The following SVOPL variants were observed in gnomAD, a reference collection of about 807,000 sequenced individuals.
The protein encoded by SVOPL is putative transporter SVOPL.
A neutral mutation model predicts 61.0 loss-of-function variants in SVOPL; 60 were observed. The ratio of observed to expected loss-of-function variants is 0.98; its 90% CI spans 0.80 to 1.22. The LOEUF (loss-of-function observed/expected upper bound fraction) is 1.22. SVOPL is among the 50% of genes most tolerant of loss of function. The probability of loss-of-function intolerance (pLI) is 0.00; values close to 1 mark genes in which losing one functional copy is unlikely to be tolerated. For synonymous variants in SVOPL, 279 were observed against 250.0 expected (o/e 1.12, Z -1.09); for missense variants, 662 against 643.9 (o/e 1.03, Z -0.30).
intron 7 of SVOPL, among the ~76,000 whole-genome samples, chr7:138,653,879 G>A (rs891087360): frequency 6.6e-6 from 1 of 151,196 alleles, no homozygotes; most frequent in African/African-American, 2.4e-5. Flanking sequence ...GTTACAGTGA[G>A]CTGAGATCAT....
chr7:138,700,633 C>T (rs1031404349), intron 1 of SVOPL, among the ~76,000 whole-genome samples: 2 of 151,918 alleles, frequency 1.3e-5, no homozygotes, highest in African/African-American at 4.8e-5. Flanking sequence ...GCCACCGCAC[C>T]CGGCTGGTTT....
intron 5 of SVOPL, chr7:138,661,816 G>C (rs188610631): frequency 8.2e-6 from 8 of 973,366 alleles, no homozygotes; most frequent in Non-Finnish European, 9.8e-6. Context: ...TATGACTTCC[G>C]AGCTGCAATC....
chr7:138,622,222 G>GTATC lies in SVOPL; in HGVS notation c.1264-1091_1264-1088dup, dbSNP rs1398798608. On this transcript the variant is annotated intron_variant, in intron 13 of 15. Transcript: ENST00000674285. The stretch of plus-strand genomic sequence containing the variant: ...TCTATGTATCTATCTATCTATCTAT[G>GTATC]TATCTATCTATGTATCTATCTATCT... 2.8e-3 allele frequency among the ~76,000 whole-genome samples: 186 copies of GTATC among 67,200 alleles called. 3 individuals carry two copies. Among genetic ancestry groups the GTATC allele is most frequent in the African/African-American group, 7.6e-3 (127 of 16,688 alleles). 44.1% of individuals were successfully genotyped at this position (67,200 alleles called of 152,430 possible).
chr7:138,597,665 T>TGTGTGTGTGTGA (rs1376935458), intron 14 of SVOPL, among the ~76,000 whole-genome samples: 2 of 152,064 alleles, frequency 1.3e-5, no homozygotes, highest in Non-Finnish European at 2.9e-5. Flanking sequence ...TGTGTGTGTG[T>TGTGTGTGTGTGA]GTGTTTTACT....
chr7:138,659,034 A>G (rs1004273094), intron 6 of SVOPL, among the ~76,000 whole-genome samples: 1 of 152,046 alleles, frequency 6.6e-6, no homozygotes, highest in African/African-American at 2.4e-5. Context: ...ATTAGCATCA[A>G]CGCAGACCTT....
At chr7:138,605,182 ACATTT>A (rs1024047857) in intron 14 of SVOPL, among the ~76,000 whole-genome samples, 9 of 148,510 alleles carry the variant, frequency 6.1e-5, no homozygotes, top group African/African-American at 2.2e-4. Flanking sequence ...ATGTTTCCTG[ACATTT>A]ATTTAAAAAA....
chr7:138,603,715 T>C (rs540060650), intron 14 of SVOPL, among the ~76,000 whole-genome samples: 89 of 152,276 alleles, frequency 5.8e-4, no homozygotes, highest in African/African-American at 2.1e-3. Context: ...ATCTTGCACA[T>C]AGACCTTTGT....
intron 6 of SVOPL, among the ~76,000 whole-genome samples, chr7:138,657,378 G>C (rs2117061880): frequency 6.6e-6 from 1 of 152,088 alleles, no homozygotes; most frequent in Admixed American, 6.5e-5. Flanking sequence ...CTGGCCTCAA[G>C]CAACTGTTGC....
intron 14 of SVOPL, among the ~76,000 whole-genome samples, chr7:138,602,837 A>G (rs1020672316): frequency 6.6e-6 from 1 of 151,292 alleles, no homozygotes; most frequent in African/African-American, 2.4e-5. Flanking sequence ...AAGGTAAGAA[A>G]CCTTTTTATG....
chr7:138,609,023 A>C (rs1416631534), intron 14 of SVOPL, among the ~76,000 whole-genome samples: 2 of 152,244 alleles, frequency 1.3e-5, no homozygotes, highest in Non-Finnish European at 2.9e-5. Context: ...TAAAGACTGA[A>C]TTGAAAAATG....
intron 9 of SVOPL, among the ~76,000 whole-genome samples, chr7:138,642,845 A>G (rs1406031977): frequency 2.7e-4 from 4 of 14,796 alleles, no homozygotes; most frequent in East Asian, 4.5e-3. Flanking sequence ...AAAAAAAAAA[A>G]AAAAAGAAGA....
At chr7:138,612,441 A>AAAAAT (rs1799089313) in intron 14 of SVOPL, among the ~76,000 whole-genome samples, 1 of 145,484 alleles carries the variant, frequency 6.9e-6, no homozygotes, top group African/African-American at 2.6e-5. Flanking sequence ...AAAAATAAAA[A>AAAAAT]AAAAATAAAA....
At chr7:138,663,490 T>C (rs867829853) in intron 4 of SVOPL, 2 of 1,066,156 alleles carry the variant, frequency 1.9e-6, no homozygotes, top group Middle Eastern at 4.4e-4. Flanking sequence ...CGCTGCCTTA[T>C]ACAGTACACA....
At position 138,663,142 on chromosome 7, in the gene SVOPL, C is replaced by G. The variant is rs768917743; in HGVS notation, c.277G>C (p.Val93Leu). The change falls in exon 5 of 16, where the codon GTG becomes CTG. Residue 93 changes from valine (V) to leucine (L), a missense_variant. Transcript: ENST00000674285. ...CTGAAAACCATGTAGCCAAAAAACA[C>G]CATCTGCAAGTGGGAGCGAGATAAA... ...NWQVALVTTM[V>L]FFGYMVFSIL... is the part of the protein sequence containing the mutation. The G allele has an allele frequency of 6.2e-6, 10 of 1,613,830 alleles. No individual in the cohort carries two copies. The highest frequency in any genetic ancestry group is 8.5e-6 in the Non-Finnish European group (10 of 1,179,956).
chr7:138,673,909 G>A (rs564939005), intron 3 of SVOPL, among the ~76,000 whole-genome samples: 1 of 152,108 alleles, frequency 6.6e-6, no homozygotes, highest in Non-Finnish European at 1.5e-5. Flanking sequence ...GACTGACCAG[G>A]CGAGGTGGCT....
intron 9 of SVOPL, among the ~76,000 whole-genome samples, chr7:138,636,189 A>C (rs1378766158): frequency 6.6e-6 from 1 of 152,140 alleles, no homozygotes; most frequent in Non-Finnish European, 1.5e-5. Context: ...CAGCCTCCCA[A>C]AGTGCTGGGA....
rs749046277 is a variant in SVOPL at position 138,621,084 on chromosome 7, A to G, written c.1315T>C (p.Cys439Arg). 1 of 1,613,606 alleles carries G rather than the reference A, an allele frequency of 6.2e-7. No homozygotes were observed. Residue 439 changes from cysteine (C) to arginine (R), a missense_variant, in exon 14 of 16, where the codon TGT becomes CGT. By Grantham distance (180) the Cys-to-Arg change is radical. Transcript: ENST00000674285. ...GGTGCCACCATTGCACCAATGCGAC[A>G]CAGGGAGCCGCTGGTTCCCATCCCC... The part of the protein sequence containing the change: ...ALGMGTSGSL[C>R]RIGAMVAPFI...
intron 7 of SVOPL, 92 bp downstream of exon 7, chr7:138,656,356 G>C (rs1277909837): frequency 7.6e-7 from 1 of 1,315,332 alleles, no homozygotes; most frequent in East Asian, 2.3e-5. Context: ...CAGCGAGCTG[G>C]TACCAAACCA....
chr7:138,691,594 G>T (rs1802943410), intron 1 of SVOPL, among the ~76,000 whole-genome samples: 1 of 152,182 alleles, frequency 6.6e-6, no homozygotes, highest in Admixed American at 6.5e-5. Flanking sequence ...AGGCTGGAGT[G>T]CGATGGCGTG....
Sources: gnomAD v4.1 joint callset for allele counts (sites outside exome capture counted in the v4.1 genomes callset) on GRCh38, gnomAD v4.1.1 for gene constraint, MANE v1.5 for transcripts, NCBI Gene and HGNC (gene_info 2026-07-23, HGNC 2026-07-21) for gene names.